Variants in LETMD1 observed in about 807,000 individuals in gnomAD.
LETMD1 encodes the protein LETM1 domain containing 1, also known as LETM1 domain-containing protein 1.
A neutral mutation model predicts 43.9 loss-of-function variants in LETMD1; 30 were observed. That is an observed-to-expected ratio of 0.68 (90% CI 0.51 to 0.93). LETMD1 has a LOEUF of 0.93. Among genes scored for constraint, LETMD1 ranks in the 40% least tolerant of loss-of-function variants. The pLI is 0.00. For synonymous variants in LETMD1, 176 were observed against 163.1 expected, an observed-to-expected ratio of 1.08 and a Z score of -0.60; for missense variants, 413 against 447.7, an observed-to-expected ratio of 0.92 and a Z score of 0.70.
At chr12:51,061,526 T>C (rs1042342661), downstream of LETMD1, 2 of 152,632 alleles carry the variant, frequency 1.3e-5, no homozygotes, top group African/African-American at 4.8e-5. Context: ...ATGGACTAGG[T>C]TGTAGAGAAG....
chr12:51,059,019 T>C (rs1176135555), intron 8 of LETMD1: 1 of 318,260 alleles, frequency 3.1e-6, no homozygotes, highest in South Asian at 3.2e-5. Flanking sequence ...GGCCTTTGGA[T>C]GTTAGGGTAG....
chr12:51,048,718 A>G, intron 1 of LETMD1: 1 of 609,150 alleles, frequency 1.6e-6, no homozygotes, highest in Non-Finnish European at 2.8e-6. Context: ...TTTCAGCCTC[A>G]CTTTTTCGGC....
chr12:51,062,081 G>C (rs531515556), downstream of LETMD1: 1 of 152,274 alleles, frequency 6.6e-6, no homozygotes, highest in Admixed American at 6.5e-5. Context: ...AATAGGAAAG[G>C]CAGAATGAAC....
the LETMD1 span, among the ~76,000 whole-genome samples, chr12:51,065,923 T>C: frequency 3.3e-5 from 5 of 150,408 alleles, no homozygotes; most frequent in African/African-American, 9.8e-5. Flanking sequence ...CCACAAGGAC[T>C]CAGCATCTAC....
At chr12:51,063,668 A>T, downstream of LETMD1, 1 of 1,117,696 alleles carries the variant, frequency 8.9e-7, no homozygotes, top group Non-Finnish European at 1.2e-6. Context: ...CTGCTTCTAC[A>T]GTTTTGTTTT....
At chr12:51,068,407 C>T in the LETMD1 span, among the ~76,000 whole-genome samples, 1 of 152,158 alleles carries the variant, frequency 6.6e-6, no homozygotes, top group Non-Finnish European at 1.5e-5. Context: ...ACACCTCGGC[C>T]TCCCAAAGTG....
the LETMD1 span, chr12:51,067,972 G>A: frequency 1.9e-6 from 3 of 1,612,252 alleles, no homozygotes; most frequent in Admixed American, 1.7e-5. The surrounding 1 kb of genome is among the most constrained non-coding windows in gnomAD (Gnocchi z 4.1). Context: ...TTGGTCAGCT[G>A]CCAAGAGACA....
chr12:51,060,673 C>A (rs553043794), downstream of LETMD1, among the ~76,000 whole-genome samples: 1 of 151,962 alleles, frequency 6.6e-6, no homozygotes, highest in African/African-American at 2.4e-5. Flanking sequence ...GAGGCTGAGG[C>A]GAGCGGATCA....
chr12:51,067,987 A>C, the LETMD1 span: 1 of 1,609,408 alleles, frequency 6.2e-7, no homozygotes, highest in Non-Finnish European at 8.5e-7. The surrounding 1 kb of genome is among the most constrained non-coding windows in gnomAD (Gnocchi z 4.1). Flanking sequence ...GAGACAGGAA[A>C]GGTTAGCCTC....
chr12:51,057,325 G>A (rs191832788), intron 7 of LETMD1: 1 of 151,772 alleles, frequency 6.6e-6, no homozygotes, highest in African/African-American at 2.4e-5. Context: ...TTGAACTCCT[G>A]GGCTCAAGTG....
At chr12:51,052,516 C>T (rs1946448003) in intron 3 of LETMD1, among the ~76,000 whole-genome samples, 1 of 152,150 alleles carries the variant, frequency 6.6e-6, no homozygotes, top group South Asian at 2.1e-4. Flanking sequence ...GGCGCGGTGG[C>T]TCACGCCTGT....
chr12:51,060,721 T>C (rs2136803491), downstream of LETMD1, among the ~76,000 whole-genome samples: 1 of 152,016 alleles, frequency 6.6e-6, no homozygotes. Flanking sequence ...GCTAACACGG[T>C]GAAACCCCGT....
chr12:51,060,615 G>T (rs897178507), downstream of LETMD1, among the ~76,000 whole-genome samples: 5 of 152,268 alleles, frequency 3.3e-5, no homozygotes, highest in African/African-American at 1.2e-4. Flanking sequence ...AAAGTTAATG[G>T]AATGAGGCCG....
At chr12:51,051,836 CAG>C (rs1946252384) in intron 2 of LETMD1, among the ~76,000 whole-genome samples, 1 of 152,156 alleles carries the variant, frequency 6.6e-6, no homozygotes, top group Non-Finnish European at 1.5e-5. Context: ...ACCAGTGAAA[CAG>C]AAGAGGGAGA....
intron 4 of LETMD1, among the ~76,000 whole-genome samples, chr12:51,054,787 C>T (rs1057470276): frequency 2.0e-5 from 3 of 152,138 alleles, no homozygotes; most frequent in African/African-American, 7.2e-5. Flanking sequence ...AACCACCAAA[C>T]ACGTAGATAA....
intron 8 of LETMD1, 76 bp downstream of exon 8, chr12:51,058,204 T>A: frequency 1.1e-6 from 1 of 930,994 alleles, no homozygotes; most frequent in Non-Finnish European, 1.8e-6. Flanking sequence ...ATTTTGGAGT[T>A]AATTATTGAG....
At chr12:51,055,295 C>G (rs1426504409) in intron 4 of LETMD1, among the ~76,000 whole-genome samples, 2 of 152,086 alleles carry the variant, frequency 1.3e-5, no homozygotes, top group African/African-American at 4.8e-5. Context: ...GCTAGTCCTT[C>G]CTTTCACATC....
chr12:51,050,520 C>A (rs1161482454), intron 2 of LETMD1, among the ~76,000 whole-genome samples: 1 of 151,706 alleles, frequency 6.6e-6, no homozygotes, highest in Non-Finnish European at 1.5e-5. Flanking sequence ...CGCGCCCGGC[C>A]AACTATTATG....
chr12:51,056,583 C>T (rs755365784), intron 7 of LETMD1, 81 bp downstream of exon 7: 3 of 1,369,356 alleles, frequency 2.2e-6, no homozygotes, highest in East Asian at 4.6e-5. Context: ...TACAGGGGCT[C>T]CTTGTCTTGT....
Sources: allele counts gnomAD v4.1 joint callset (sites outside exome capture counted in the v4.1 genomes callset), GRCh38; gene constraint gnomAD v4.1.1; non-coding constraint Gnocchi (gnomAD v3.1); transcripts MANE v1.5; gene names NCBI Gene and HGNC (gene_info 2026-07-23, HGNC 2026-07-21).